The following RANBP17 variants were observed in gnomAD, a reference collection of about 807,000 sequenced individuals.
The protein encoded by RANBP17 is ran-binding protein 17.
A neutral mutation model predicts 141.2 loss-of-function variants in RANBP17; 158 were observed. The ratio of observed to expected loss-of-function variants is 1.12; its 90% CI spans 0.98 to 1.28. The LOEUF is 1.28. Ranked by LOEUF, RANBP17 falls within the 50% of genes most tolerant of loss-of-function variation. RANBP17 has a pLI of 0.00. For missense variants in RANBP17, 1,438 were observed against 1,290.7 expected (o/e 1.11, Z -1.75); for synonymous variants, 430 against 450.0 (o/e 0.96, Z 0.56).
At chr5:171,291,426 T>C (rs981285842) in intron 25 of RANBP17, among the ~76,000 whole-genome samples, 9 of 152,176 alleles carry the variant, frequency 5.9e-5, no homozygotes, top group Admixed American at 5.9e-4. Flanking sequence ...TGTAGCAGTA[T>C]TGGAAGTGAG....
intron 14 of RANBP17, among the ~76,000 whole-genome samples, chr5:171,064,713 G>C (rs900361187): frequency 6.6e-6 from 1 of 151,958 alleles, no homozygotes; most frequent in African/African-American, 2.4e-5. Context: ...TAGACATGGG[G>C]TTTCTCCATG....
chr5:171,011,176 A>G (rs1028678285), intron 14 of RANBP17, among the ~76,000 whole-genome samples: 1 of 152,122 alleles, frequency 6.6e-6, no homozygotes, highest in Admixed American at 6.5e-5. Context: ...TACCCAAATT[A>G]CTAGGTTTCA....
intron 24 of RANBP17, among the ~76,000 whole-genome samples, chr5:171,265,365 T>A (rs545824101): frequency 6.6e-6 from 1 of 152,210 alleles, no homozygotes; most frequent in African/African-American, 2.4e-5. Flanking sequence ...AGAAACCCCA[T>A]CTCTACTAGA....
At chr5:171,000,355 A>G (rs1779116168) in intron 14 of RANBP17, among the ~76,000 whole-genome samples, 1 of 152,134 alleles carries the variant, frequency 6.6e-6, no homozygotes. Context: ...GCATTGCACA[A>G]GGATTCGAGT....
chr5:171,191,770 G>A (rs1761662529), intron 18 of RANBP17, among the ~76,000 whole-genome samples: 1 of 151,850 alleles, frequency 6.6e-6, no homozygotes, highest in Non-Finnish European at 1.5e-5. Context: ...GTGGCCCTCT[G>A]ACCACATATT....
intron 14 of RANBP17, among the ~76,000 whole-genome samples, chr5:171,115,297 C>G (rs1755539864): frequency 6.6e-6 from 1 of 152,068 alleles, no homozygotes; most frequent in African/African-American, 2.4e-5. Context: ...GCAAATTCTA[C>G]TCCCATTATG....
chr5:171,198,313 C>T (rs1457901718), intron 18 of RANBP17, among the ~76,000 whole-genome samples: 1 of 152,192 alleles, frequency 6.6e-6, no homozygotes, highest in Non-Finnish European at 1.5e-5. Context: ...TAGAACGGCA[C>T]ACCAGTAAAG....
At chr5:171,117,925 A>G (rs1755762486) in intron 14 of RANBP17, among the ~76,000 whole-genome samples, 1 of 152,092 alleles carries the variant, frequency 6.6e-6, no homozygotes. Context: ...GCCAATTAAT[A>G]GTTTGCCAGT....
At chr5:170,862,588 G>T (rs1268909749) in intron 1 of RANBP17, among the ~76,000 whole-genome samples, 1 of 152,152 alleles carries the variant, frequency 6.6e-6, no homozygotes, top group South Asian at 2.1e-4. Context: ...GGCCAGAGGA[G>T]ACAGGGGCTG....
At chr5:171,116,273 G>A (rs1052246415) in intron 14 of RANBP17, among the ~76,000 whole-genome samples, 2 of 150,854 alleles carry the variant, frequency 1.3e-5, no homozygotes, top group African/African-American at 4.9e-5. Context: ...TAAAGATACT[G>A]TGATTTTTTT....
intron 14 of RANBP17, among the ~76,000 whole-genome samples, chr5:170,983,796 A>C (rs1240398296): frequency 6.6e-6 from 1 of 152,196 alleles, no homozygotes; most frequent in East Asian, 1.9e-4. Flanking sequence ...CCCTGAAAAC[A>C]CAGGGGACAG....
chr5:171,270,357 C>T (rs1335504128), intron 25 of RANBP17, among the ~76,000 whole-genome samples: 1 of 152,146 alleles, frequency 6.6e-6, no homozygotes, highest in Non-Finnish European at 1.5e-5. Context: ...ATTGCGTCAC[C>T]AGCGTTGCTT....
At chr5:171,044,139 A>G (rs1782423992) in intron 14 of RANBP17, among the ~76,000 whole-genome samples, 1 of 152,104 alleles carries the variant, frequency 6.6e-6, no homozygotes, top group South Asian at 2.1e-4. Context: ...CTAAACGTGT[A>G]GAAAGGTATT....
At chr5:171,131,538 G>A (rs1756920699) in intron 14 of RANBP17, among the ~76,000 whole-genome samples, 1 of 152,168 alleles carries the variant, frequency 6.6e-6, no homozygotes, top group Admixed American at 6.5e-5. Context: ...TATTAGGCAA[G>A]GATTGTCTAC....
chr5:171,130,517 A>G (rs560131620), intron 14 of RANBP17, among the ~76,000 whole-genome samples: 7 of 136,928 alleles, frequency 5.1e-5, no homozygotes, highest in African/African-American at 1.9e-4. Flanking sequence ...GCTCACTACA[A>G]CCTCCTCCTC....
At chr5:171,073,928 T>C (rs1465193930) in intron 14 of RANBP17, among the ~76,000 whole-genome samples, 3 of 151,786 alleles carry the variant, frequency 2.0e-5, no homozygotes, top group Non-Finnish European at 2.9e-5. Flanking sequence ...CATACTGATA[T>C]AAACAAATGA....
At chr5:170,959,268 C>G (rs560585669) in intron 13 of RANBP17, among the ~76,000 whole-genome samples, 1 of 152,176 alleles carries the variant, frequency 6.6e-6, no homozygotes, top group Non-Finnish European at 1.5e-5. Context: ...TAAATAACTT[C>G]AGCTGCTTTC....
intron 12 of RANBP17, among the ~76,000 whole-genome samples, chr5:170,930,562 C>G (rs899639160): frequency 6.6e-6 from 1 of 151,918 alleles, no homozygotes; most frequent in South Asian, 2.1e-4. Context: ...CCTCCCCGCT[C>G]CCCCCACTCC....
At chr5:171,249,506 A>T (rs775222584) in intron 24 of RANBP17, among the ~76,000 whole-genome samples, 5 of 152,242 alleles carry the variant, frequency 3.3e-5, no homozygotes, top group Non-Finnish European at 7.3e-5. Flanking sequence ...TTATAAGAGA[A>T]ATCTGAAAAA....
Sources: gnomAD v4.1 joint callset for allele counts (sites outside exome capture counted in the v4.1 genomes callset) on GRCh38, gnomAD v4.1.1 for gene constraint, MANE v1.5 for transcripts, NCBI Gene and HGNC (gene_info 2026-07-23, HGNC 2026-07-21) for gene names.